The following ZNF469 variants were observed in gnomAD, a reference collection of about 807,000 sequenced individuals.
ZNF469 encodes zinc finger protein 469.
In ZNF469, 1 loss-of-function variant was observed where a neutral mutation model predicts 1.0. That is an observed-to-expected ratio of 1.00 (90% CI 0.35 to 4.73). The LOEUF (loss-of-function observed/expected upper bound fraction) is 4.73. ZNF469 is among the 30% of genes most tolerant of loss of function. ZNF469 has a pLI of 0.16. For synonymous variants in ZNF469, 2,703 were observed against 2,363.4 expected (o/e 1.14, Z -4.17); for missense variants, 6,100 against 5,356.3 (o/e 1.14, Z -4.33).
chr16:88,383,809 A>T (rs1262330297), intron 1 of ZNF469, among the ~76,000 whole-genome samples: 6 of 151,930 alleles, frequency 3.9e-5, no homozygotes, highest in African/African-American at 1.2e-4. Context: ...GGAGCTTTGG[A>T]GCCCACCCTG....
the ZNF469 span, among the ~76,000 whole-genome samples, chr16:88,315,573 G>T: frequency 6.6e-6 from 1 of 152,190 alleles, no homozygotes; most frequent in Non-Finnish European, 1.5e-5. Flanking sequence ...GCAGAGGAGG[G>T]AGCAGGGCCC....
At chr16:88,120,547 T>C in the ZNF469 span, among the ~76,000 whole-genome samples, 1 of 152,206 alleles carries the variant, frequency 6.6e-6, no homozygotes, top group African/African-American at 2.4e-5. Flanking sequence ...GGCCGGATGC[T>C]GGACCCGCAG....
the ZNF469 span, among the ~76,000 whole-genome samples, chr16:88,324,353 A>G: frequency 1.6e-5 from 2 of 121,566 alleles, no homozygotes; most frequent in Admixed American, 8.1e-5. Flanking sequence ...AGGTGGGTGG[A>G]AGGATGTGGG....
chr16:88,296,244 G>A, the ZNF469 span, among the ~76,000 whole-genome samples: 1 of 152,216 alleles, frequency 6.6e-6, no homozygotes, highest in Non-Finnish European at 1.5e-5. Context: ...AGCCTGGCGG[G>A]GACATCCTCA....
In ZNF469 at chr16:88,430,949, G is replaced by A. The variant is rs1171511290; in HGVS notation, c.3479G>A (p.Gly1160Glu). The change falls in exon 3 of 3, where the codon GGG becomes GAG. Residue 1160 changes from glycine (G) to glutamate (E), a missense_variant. Physicochemically the swap from Gly to Glu is moderately conservative, Grantham distance 98. Coordinates refer to ENST00000565624, the MANE Select transcript of ZNF469 (RefSeq NM_001367624.2). ...GAPANPEEPGGSRPGPGRSPQ... is the reference protein window; with the variant it reads ...GAPANPEEPGESRPGPGRSPQ... ...CCCGCGAACCCCGAGGAGCCGGGCG[G>A]GTCTCGCCCGGGCCCCGGCAGGAGC... The A allele has an allele frequency of 1.3e-6, 2 of 1,535,584 alleles. No individual in the cohort carries two copies. Among genetic ancestry groups the A allele is most frequent in the African/African-American group, 1.4e-5 (1 of 72,794 alleles).
chr16:88,331,647 TCAC>T, the ZNF469 span, among the ~76,000 whole-genome samples: 2 of 150,634 alleles, frequency 1.3e-5, no homozygotes, highest in Non-Finnish European at 1.5e-5. Context: ...GCCATCATCA[TCAC>T]CACCATCATC....
the ZNF469 span, among the ~76,000 whole-genome samples, chr16:88,304,047 C>T: frequency 9.8e-5 from 15 of 152,308 alleles, no homozygotes; most frequent in Middle Eastern, 3.4e-3. Context: ...TCCGCAGCTC[C>T]TGGGCTGTTA....
chr16:88,120,005 T>C, the ZNF469 span, among the ~76,000 whole-genome samples: 1 of 152,248 alleles, frequency 6.6e-6, no homozygotes, highest in East Asian at 1.9e-4. Flanking sequence ...AGCACTGTCT[T>C]CTGAGAATGG....
chr16:88,381,420 T>C (rs904898702), upstream of ZNF469, among the ~76,000 whole-genome samples: 1 of 149,036 alleles, frequency 6.7e-6, no homozygotes, highest in Non-Finnish European at 1.5e-5. Flanking sequence ...AGACATGCAC[T>C]CTCTCACACA....
At chr16:88,228,238 G>T in the ZNF469 span, among the ~76,000 whole-genome samples, 1 of 152,242 alleles carries the variant, frequency 6.6e-6, no homozygotes, top group African/African-American at 2.4e-5. Flanking sequence ...ACCCTGCCTC[G>T]CTCCTTGGTG....
At chr16:88,195,195 C>T in the ZNF469 span, 2 of 152,322 alleles carry the variant, frequency 1.3e-5, no homozygotes, top group South Asian at 2.1e-4. Flanking sequence ...CAATAAATAA[C>T]GTGTGCATGG....
chr16:88,386,828 G>A (rs1172773694), intron 1 of ZNF469, among the ~76,000 whole-genome samples: 4 of 152,298 alleles, frequency 2.6e-5, no homozygotes, highest in Admixed American at 2.0e-4. Flanking sequence ...GGGTGGTTCC[G>A]TGAGGATGGG....
chr16:88,282,421 G>C, the ZNF469 span, among the ~76,000 whole-genome samples: 13 of 152,158 alleles, frequency 8.5e-5, no homozygotes, highest in African/African-American at 2.9e-4. Context: ...GGAGGCTGAG[G>C]TCACTGTGAA....
chr16:88,307,597 G>T, the ZNF469 span, among the ~76,000 whole-genome samples: 1 of 152,308 alleles, frequency 6.6e-6, no homozygotes, highest in East Asian at 1.9e-4. Flanking sequence ...GACGGCTAAT[G>T]ATATCAGTGT....
the ZNF469 span, among the ~76,000 whole-genome samples, chr16:88,146,826 C>A: frequency 2.0e-5 from 3 of 152,114 alleles, no homozygotes; most frequent in African/African-American, 7.2e-5. Flanking sequence ...ATGGAAGGGA[C>A]CCCTGGGGCT....
At chr16:88,390,249 A>T (rs1424278633) in intron 1 of ZNF469, among the ~76,000 whole-genome samples, 3 of 152,030 alleles carry the variant, frequency 2.0e-5, no homozygotes, top group Middle Eastern at 3.2e-3. Flanking sequence ...GGGTCCTGGG[A>T]TCTGTCCTGT....
At chr16:88,327,680 G>T in the ZNF469 span, among the ~76,000 whole-genome samples, 1 of 151,898 alleles carries the variant, frequency 6.6e-6, no homozygotes, top group Admixed American at 6.6e-5. Flanking sequence ...CTCCTCCACC[G>T]CCCTCTCCCC....
chr16:88,199,719 A>G, the ZNF469 span, among the ~76,000 whole-genome samples: 1 of 152,276 alleles, frequency 6.6e-6, no homozygotes, highest in African/African-American at 2.4e-5. Flanking sequence ...TGCAGGGAGG[A>G]CAGTGCTGGC....
At chr16:88,361,778 A>C in the ZNF469 span, among the ~76,000 whole-genome samples, 1 of 152,000 alleles carries the variant, frequency 6.6e-6, no homozygotes, top group Non-Finnish European at 1.5e-5. Context: ...TACTTTCTCC[A>C]ATCCCTAAGC....
Sources: gnomAD v4.1 joint callset for allele counts (sites outside exome capture counted in the v4.1 genomes callset) on GRCh38, gnomAD v4.1.1 for gene constraint, MANE v1.5 for transcripts, NCBI Gene and HGNC (gene_info 2026-07-23, HGNC 2026-07-21) for gene names.